The following PBX1 variants were observed in gnomAD, a reference collection of about 807,000 sequenced individuals.
PBX1 encodes pre-B-cell leukemia transcription factor 1.
Under a neutral mutation model 53.4 loss-of-function variants are expected in PBX1, and 6 were observed. That is an observed-to-expected ratio of 0.11 (90% CI 0.06 to 0.22). The LOEUF (loss-of-function observed/expected upper bound fraction) is 0.22, where lower values mean the gene tolerates loss of function less well. Ranked by LOEUF, PBX1 falls within the 10% of genes least tolerant of loss-of-function variation. PBX1 has a pLI of 1.00. For synonymous variants in PBX1, 204 were observed against 212.3 expected (o/e 0.96, Z 0.34); for missense variants, 251 against 551.4 (o/e 0.46, Z 5.46).
intron 2 of PBX1, among the ~76,000 whole-genome samples, chr1:164,640,545 G>GT (rs751957824): frequency 4.6e-4 from 53 of 115,304 alleles, no homozygotes; most frequent in South Asian, 2.9e-3. Context: ...GTTTTTTGGT[G>GT]TTTTTTTTTT....
chr1:164,593,698 A>G (rs1180797031), intron 2 of PBX1, among the ~76,000 whole-genome samples: 1 of 152,162 alleles, frequency 6.6e-6, no homozygotes, highest in Non-Finnish European at 1.5e-5. Context: ...TTCCTTTTTT[A>G]GTTTTCACTG....
At chr1:164,835,274 C>T (rs374290226) in intron 8 of PBX1, among the ~76,000 whole-genome samples, 21 of 147,430 alleles carry the variant, frequency 1.4e-4, no homozygotes, top group Admixed American at 2.7e-4. Context: ...ATTAATAACA[C>T]GGTGGTAAGC....
intron 2 of PBX1, among the ~76,000 whole-genome samples, chr1:164,780,586 A>G (rs868693551): frequency 1.4e-4 from 22 of 152,114 alleles, no homozygotes; most frequent in Non-Finnish European, 8.8e-5. Context: ...GAACAGAGCC[A>G]TTCCTTAGGC....
chr1:164,856,374 T>C (rs969340954), downstream of PBX1, among the ~76,000 whole-genome samples: 6 of 152,246 alleles, frequency 3.9e-5, no homozygotes, highest in Non-Finnish European at 8.8e-5. Context: ...AACCTGCTCC[T>C]TTCCCTGGTT....
chr1:164,669,139 G>A (rs1479638836), intron 2 of PBX1, among the ~76,000 whole-genome samples: 1 of 152,000 alleles, frequency 6.6e-6, no homozygotes, highest in Non-Finnish European at 1.5e-5. Context: ...GGCTGTTTTG[G>A]TATTCTTTAT....
chr1:164,647,011 G>C (rs1339672260), intron 2 of PBX1, among the ~76,000 whole-genome samples: 1 of 152,180 alleles, frequency 6.6e-6, no homozygotes, highest in Non-Finnish European at 1.5e-5. Flanking sequence ...GGTAGTAAGG[G>C]GGGCAGCCCT....
intron 2 of PBX1, among the ~76,000 whole-genome samples, chr1:164,636,308 A>G (rs773989482): frequency 4.3e-4 from 65 of 152,124 alleles, no homozygotes; most frequent in Non-Finnish European, 7.5e-4. Flanking sequence ...GAGTCTGAAC[A>G]AGGCTATTTT....
At chr1:164,663,875 A>G (rs1660658040) in intron 2 of PBX1, among the ~76,000 whole-genome samples, 1 of 152,228 alleles carries the variant, frequency 6.6e-6, no homozygotes, top group African/African-American at 2.4e-5. Context: ...TCTTCCCAGA[A>G]GCCAAGTATT....
In PBX1 at chr1:164,870,271, T is replaced by TCCC. The variant is rs1672331865; in HGVS notation, n.258-28917_258-28916insCCC. Among the ~76,000 whole-genome samples the TCCC allele has an allele frequency of 5.1e-4, 8 of 15,590 alleles. No individual in the cohort carries two copies. In the South Asian group the frequency reaches 0.012, roughly 23 times the overall value. 10.2% of individuals were successfully genotyped at this position (15,590 alleles called of 152,430 possible). A position where few individuals can be genotyped will look rare whatever the true frequency, so the allele number is the denominator to read the frequency against. On this transcript the variant is annotated intron_variant and non_coding_transcript_variant, in intron 2 of 2. Transcript: ENST00000558796. ...CTTCCTTCCTTCCTTCCTTCCTTCT[T>TCCC]TCTTTCTTTCTTTCTTTCTTTCTTT...
At chr1:164,728,386 G>C (rs1460640697) in intron 2 of PBX1, among the ~76,000 whole-genome samples, 1 of 152,002 alleles carries the variant, frequency 6.6e-6, no homozygotes, top group African/African-American at 2.4e-5. Flanking sequence ...TTGCTTCTTG[G>C]AGAAGTGAGC....
chr1:164,784,579 A>G (rs1051621403), intron 2 of PBX1, among the ~76,000 whole-genome samples: 10 of 152,240 alleles, frequency 6.6e-5, no homozygotes, highest in Admixed American at 1.3e-4. Flanking sequence ...AAAACCTAAA[A>G]CTGTCTCAAG....
intron 2 of PBX1, among the ~76,000 whole-genome samples, chr1:164,789,585 A>C (rs1264806678): frequency 6.6e-6 from 1 of 152,224 alleles, no homozygotes; most frequent in Non-Finnish European, 1.5e-5. Flanking sequence ...TGTCAGCTCA[A>C]GTAGGCAGTG....
intron 2 of PBX1, among the ~76,000 whole-genome samples, chr1:164,696,306 T>G (rs1480634432): frequency 6.6e-6 from 1 of 151,990 alleles, no homozygotes; most frequent in South Asian, 2.1e-4. Context: ...CACCTAGATA[T>G]GGAAGTTGAA....
At chr1:164,654,704 A>T (rs1660044150) in intron 2 of PBX1, among the ~76,000 whole-genome samples, 1 of 152,214 alleles carries the variant, frequency 6.6e-6, no homozygotes, top group South Asian at 2.1e-4. Flanking sequence ...ACACACATAA[A>T]CTTCATGAAA....
At chr1:164,734,673 T>C (rs983501405) in intron 2 of PBX1, among the ~76,000 whole-genome samples, 6 of 152,216 alleles carry the variant, frequency 3.9e-5, no homozygotes, top group Non-Finnish European at 7.4e-5. Context: ...AAATTAATAA[T>C]ACAGCATTAC....
chr1:164,749,923 G>A (rs1666105196), intron 2 of PBX1, among the ~76,000 whole-genome samples: 1 of 152,038 alleles, frequency 6.6e-6, no homozygotes, highest in Admixed American at 6.6e-5. Flanking sequence ...ACATTAGTAA[G>A]ACTGTGTCTC....
rs1299612200 is a variant in PBX1 at position 164,807,689 on chromosome 1, C to T, written c.837+12C>T. ...TCACAGTCTCCCAGGTAAGCAGCAC[C>T]TCAAAAGCCTCAGCCTGTAGCCTGG... On this transcript the variant is annotated intron_variant, in intron 5 of 8. Transcript: ENST00000420696. The T allele has an allele frequency of 2.5e-6, 4 of 1,613,682 alleles. No individual in the cohort carries two copies. Among genetic ancestry groups the T allele is most frequent in the Admixed American group, 1.7e-5 (1 of 59,972 alleles).
At chr1:164,732,271 G>C (rs751333175) in intron 2 of PBX1, among the ~76,000 whole-genome samples, 2 of 152,060 alleles carry the variant, frequency 1.3e-5, no homozygotes, top group African/African-American at 4.8e-5. Context: ...TAAAAGGATG[G>C]TTACTCATAC....
At chr1:164,676,866 T>C (rs972515834) in intron 2 of PBX1, among the ~76,000 whole-genome samples, 14 of 152,300 alleles carry the variant, frequency 9.2e-5, no homozygotes, top group Admixed American at 3.3e-4. Context: ...CTAAAAGGAA[T>C]GACTGTTGGA....
Sources: gnomAD v4.1 joint callset for allele counts (sites outside exome capture counted in the v4.1 genomes callset) on GRCh38, gnomAD v4.1.1 for gene constraint, MANE v1.5 for transcripts, NCBI Gene and HGNC (gene_info 2026-07-23, HGNC 2026-07-21) for gene names.